CPEB2: variants seen among roughly 807,000 people sequenced by gnomAD.
The protein encoded by CPEB2 is cytoplasmic polyadenylation element-binding protein 2.
CPEB2 carries 56 observed loss-of-function variants against 93.6 expected under a neutral mutation model. The ratio of observed to expected loss-of-function variants is 0.60; its 90% CI spans 0.48 to 0.75. CPEB2 has a LOEUF of 0.75. Ranked by LOEUF, CPEB2 falls within the 30% of genes least tolerant of loss-of-function variation. The pLI, the probability that CPEB2 is intolerant of heterozygous loss-of-function variation, is 0.00. For synonymous variants in CPEB2, 764 were observed against 586.3 expected, an observed-to-expected ratio of 1.30 and a Z score of -4.38; for missense variants, 1,579 against 1,395.1, an observed-to-expected ratio of 1.13 and a Z score of -2.10.
At chr4:15,060,384 G>T (rs1351907650) in intron 10 of CPEB2, among the ~76,000 whole-genome samples, 2 of 152,084 alleles carry the variant, frequency 1.3e-5, no homozygotes, top group African/African-American at 4.8e-5. Context: ...TTCAGAGAGA[G>T]GGGGGCCAGG....
chr4:15,054,421 ATC>A (rs1254341921), intron 8 of CPEB2, among the ~76,000 whole-genome samples: 3 of 152,232 alleles, frequency 2.0e-5, no homozygotes, highest in African/African-American at 7.2e-5. Flanking sequence ...ATGAAACAAT[ATC>A]TCTCTGCATT....
At chr4:15,004,392 C>CGGAGGCGGGGGCA in intron 1 of CPEB2, 57 bp downstream of exon 1, 1 of 1,291,156 alleles carries the variant, frequency 7.7e-7, no homozygotes, top group Non-Finnish European at 1.0e-6. Flanking sequence ...GGGCGGGGGA[C>CGGAGGCGGGGGCA]GGAGGCGGGG....
rs1188225500 is a variant in CPEB2 at position 15,002,738 on chromosome 4, T to C, written c.65T>C (p.Leu22Pro). The C allele has an allele frequency of 2.0e-6, 3 of 1,534,724 alleles. No homozygotes were observed. The highest frequency in any genetic ancestry group is 2.6e-6 in the Non-Finnish European group (3 of 1,146,392). The change falls in exon 1 of 12, where the codon CTG (leucine) becomes CCG (proline). Residue 22 changes from leucine to proline, a missense_variant. Leu to Pro is a moderately conservative substitution (Grantham distance 98, BLOSUM62 -3). Transcript: ENST00000538197. ...APLRSSSPGPLFCGEAYGPYA... is the reference protein window; with the variant it reads ...APLRSSSPGPPFCGEAYGPYA... ...CTCCGAAGTAGCAGTCCTGGGCCCCTGTTCTGCGGCGAGGCGTATGGTCCT... is the reference window on the plus strand; with the variant it reads ...CTCCGAAGTAGCAGTCCTGGGCCCCCGTTCTGCGGCGAGGCGTATGGTCCT...
At chr4:15,038,770 G>A (rs1577426123) in intron 5 of CPEB2, among the ~76,000 whole-genome samples, 1 of 152,056 alleles carries the variant, frequency 6.6e-6, no homozygotes, top group African/African-American at 2.4e-5. Flanking sequence ...TGTATTTTTA[G>A]TAGAGACGAG....
Position 15,003,857 on chromosome 4 carries a change from A to C in CPEB2, c.1184A>C (p.Gln395Pro), listed in dbSNP as rs1400665727. ...VQTASPPPQPQQPPPTQPQQQ... is the reference protein window; with the variant it reads ...VQTASPPPQPPQPPPTQPQQQ... ...ACCGCGTCGCCGCCACCCCAGCCCC[A>C]GCAGCCGCCGCCGACCCAGCCGCAG... Residue 395 changes from glutamine (Q) to proline (P), a missense_variant, in exon 1 of 12, where the codon CAG (glutamine) becomes CCG (proline). Physicochemically the swap from Gln to Pro is moderately conservative, Grantham distance 76. This residue lies in a region of CPEB2 where 1,411 missense variants were observed against 1,056.0 expected (regional missense o/e 1.34). Transcript: ENST00000538197. 5 of 845,878 alleles carry C rather than the reference A, an allele frequency of 5.9e-6. No homozygotes were observed. In the Admixed American group the frequency reaches 1.7e-4, roughly 30 times the overall value. The allele number at this position is 845,878 out of a possible 1,614,324, so 52.4% of individuals were successfully genotyped here. A position where few individuals can be genotyped will look rare whatever the true frequency, so the allele number is the denominator to read the frequency against.
chr4:15,032,501 A>G (rs918518738), intron 4 of CPEB2, among the ~76,000 whole-genome samples: 1 of 152,188 alleles, frequency 6.6e-6, no homozygotes, highest in African/African-American at 2.4e-5. Context: ...TAAATAAAAA[A>G]CTTTCGAATG....
In CPEB2 at chr4:15,054,036, T is replaced by G. The variant is rs1378349703; in HGVS notation, c.2372-92T>G. On this transcript the variant is annotated intron_variant, in intron 7 of 11. Transcript: ENST00000538197. The stretch of plus-strand genomic sequence containing the variant: ...ATTTATCTTAAGGTATTTGGCACTT[T>G]TAAATGTTAAATCTTCATAGTAACA... The G allele has an allele frequency of 8.8e-6, 7 of 796,564 alleles. No homozygotes were observed. In the South Asian group the frequency reaches 1.1e-4, roughly 12 times the overall value. 49.3% of individuals were successfully genotyped at this position (796,564 alleles called of 1,614,324 possible).
chr4:15,050,121 T>C (rs1225476147), intron 6 of CPEB2, among the ~76,000 whole-genome samples: 5 of 152,200 alleles, frequency 3.3e-5, no homozygotes, highest in African/African-American at 9.7e-5. Context: ...CATGGTCTGT[T>C]AGGAACCAGG....
intron 1 of CPEB2, chr4:15,005,094 G>C (rs1219720960): frequency 2.6e-5 from 4 of 152,214 alleles, no homozygotes; most frequent in African/African-American, 9.7e-5. Flanking sequence ...TCGGGAGGGA[G>C]CGGCCGACCG....
At chr4:15,012,651 G>C (rs952497081) in intron 3 of CPEB2, among the ~76,000 whole-genome samples, 8 of 152,014 alleles carry the variant, frequency 5.3e-5, no homozygotes, top group Non-Finnish European at 1.0e-4. Flanking sequence ...TAACAGGAAA[G>C]TATGATCAAT....
chr4:15,058,695 T>G (rs1292850512), intron 9 of CPEB2, among the ~76,000 whole-genome samples, 156 bp downstream of exon 9: 1 of 152,178 alleles, frequency 6.6e-6, no homozygotes, highest in Non-Finnish European at 1.5e-5. Context: ...CCCCAACCCC[T>G]GGGCAGTGGA....
At chr4:15,029,781 G>A (rs971203418) in intron 4 of CPEB2, among the ~76,000 whole-genome samples, 4 of 152,010 alleles carry the variant, frequency 2.6e-5, no homozygotes, top group Admixed American at 1.3e-4. Flanking sequence ...CTATTATCCT[G>A]AAAACACAGT....
chr4:15,017,077 T>C (rs1286101481), intron 3 of CPEB2, 111 bp from the exon 4 acceptor site: 5 of 639,978 alleles, frequency 7.8e-6, no homozygotes, highest in African/African-American at 5.6e-5. Flanking sequence ...ACAGATTAAT[T>C]AGTAATAATC....
Position 15,052,453 on chromosome 4 carries a change from A to T in CPEB2, c.2240A>T (p.Asp747Val). ...SLFPIDDGLL[D>V]DGHSDQVGVL... Reference sequence around the variant, plus strand: ...TTTCCAATAGATGATGGCTTGCTTGATGATGGTCACAGTGATCAAGTTGGA... The same window carrying T: ...TTTCCAATAGATGATGGCTTGCTTGTTGATGGTCACAGTGATCAAGTTGGA... The change falls in exon 7 of 12, where the codon GAT (aspartate) becomes GTT (valine). Residue 747 changes from aspartate (D) to valine (V), a missense_variant. Around this residue, in one of 2 missense-constraint regions of CPEB2, gnomAD observed 1,411 missense variants for 1,056.0 expected, o/e 1.34. Coordinates refer to ENST00000538197, the MANE Select transcript of CPEB2 (RefSeq NM_001177382.2). 6.4e-7 allele frequency: 1 copy of T among 1,569,370 alleles called. No homozygotes were observed. Among genetic ancestry groups the T allele is most frequent in the South Asian group, 1.2e-5 (1 of 84,770 alleles).
intron 6 of CPEB2, among the ~76,000 whole-genome samples, chr4:15,045,701 T>C (rs909440734): frequency 6.6e-6 from 1 of 152,196 alleles, no homozygotes; most frequent in Non-Finnish European, 1.5e-5. Context: ...GTTCTCTTAC[T>C]GATTTTAACG....
At chr4:15,039,421 T>A (rs1432026817) in intron 5 of CPEB2, among the ~76,000 whole-genome samples, 1 of 152,210 alleles carries the variant, frequency 6.6e-6, no homozygotes, top group Non-Finnish European at 1.5e-5. Context: ...CTGGCAACTT[T>A]CAGCACATAT....
chr4:15,057,096 C>A (rs888370858), intron 8 of CPEB2, among the ~76,000 whole-genome samples: 1 of 151,804 alleles, frequency 6.6e-6, no homozygotes, highest in Admixed American at 6.6e-5. Context: ...TTAATTATTA[C>A]AAAATACTTG....
chr4:15,002,574 C>T lies in CPEB2; in HGVS notation c.-100C>T, dbSNP rs1286761087. 8.2e-6 allele frequency: 8 copies of T among 973,768 alleles called. No individual in the cohort carries two copies. The highest frequency in any genetic ancestry group is 3.0e-5 in the Admixed American group (1 of 32,884). The allele number at this position is 973,768 out of a possible 1,614,324, so 60.3% of individuals were successfully genotyped here. The stretch of plus-strand genomic sequence containing the variant: ...TCACGGTGTCCCTCTCTCACTGACT[C>T]CCCCTCCTTCCACCACGGCCGCGCA... On this transcript the variant is annotated 5_prime_UTR_variant, in exon 1 of 12. Coordinates refer to ENST00000538197, the MANE Select transcript of CPEB2 (RefSeq NM_001177382.2).
intron 4 of CPEB2, among the ~76,000 whole-genome samples, chr4:15,023,252 G>T (rs1724997744): frequency 1.3e-5 from 2 of 152,076 alleles, no homozygotes; most frequent in Admixed American, 1.3e-4. Context: ...ATAACTTGCA[G>T]TGATAAAAGC....
Sources: gnomAD v4.1 joint callset for allele counts (sites outside exome capture counted in the v4.1 genomes callset) on GRCh38, gnomAD v4.1.1 for gene constraint, gnomAD v4.1.1 regional missense constraint, MANE v1.5 for transcripts, NCBI Gene and HGNC (gene_info 2026-07-23, HGNC 2026-07-21) for gene names.